The following TLR3 variants were observed in gnomAD, a reference collection of about 807,000 sequenced individuals.
The protein encoded by TLR3 is toll-like receptor 3.
In TLR3, 43 loss-of-function variants were observed where a neutral mutation model predicts 66.4. The observed-to-expected ratio is 0.65, with a 90% CI of 0.51 to 0.83. The LOEUF is 0.83. Ranked by LOEUF, TLR3 falls within the 40% of genes least tolerant of loss-of-function variation. The probability of loss-of-function intolerance (pLI) is 0.00; values close to 1 mark genes in which losing one functional copy is unlikely to be tolerated. For synonymous variants in TLR3, 397 were observed against 397.2 expected (o/e 1.00, Z 0.01); for missense variants, 982 against 1,044.6 (o/e 0.94, Z 0.83).
rs2099303785 is a variant in TLR3 at position 186,082,922 on chromosome 4, CA to C, written c.1238del (p.Asn413ThrfsTer2). 25 of 1,614,082 alleles carry C rather than the reference CA, an allele frequency of 1.5e-5. No homozygotes were observed. The highest frequency in any genetic ancestry group is 2.1e-5 in the Non-Finnish European group (25 of 1,180,044). ...TTGCTCATTCTCCCTTACACATACTCAACCTAACCAAGAATAAAATCTCAAA... is the reference window on the plus strand; with the variant it reads ...TTGCTCATTCTCCCTTACACATACTCACCTAACCAAGAATAAAATCTCAAA... ...SLAHSPLHIL[N>X]LTKNKISKIE... On this transcript the variant is annotated frameshift_variant, in exon 4 of 5. Coordinates refer to ENST00000296795, the MANE Select transcript of TLR3 (RefSeq NM_003265.3). LOFTEE classifies it high-confidence loss of function.
Position 186,076,655 on chromosome 4 carries a change from G to A in TLR3, c.36G>A (p.Gly12=). 2 of 1,614,086 alleles carry A rather than the reference G, an allele frequency of 1.2e-6. No homozygotes were observed. The highest frequency in any genetic ancestry group is 1.7e-6 in the Non-Finnish European group (2 of 1,180,018). The change falls in exon 2 of 5, where the codon GGG becomes GGA. Residue 12 remains glycine (G), a synonymous_variant. Coordinates refer to ENST00000296795, the MANE Select transcript of TLR3 (RefSeq NM_003265.3). ...CTTTGCCTTGTATCTACTTTTGGGG[G>A]GGCCTTTTGCCCTTTGGGATGCTGT... ...RQTLPCIYFW[G]GLLPFGMLCA...
chr4:186,081,929 G>T, intron 3 of TLR3: 1 of 239,062 alleles, frequency 4.2e-6, no homozygotes, highest in Non-Finnish European at 8.1e-6. Context: ...CGGAGATGGA[G>T]TAAAGAACTG....
rs760734845 is a variant in TLR3 at position 186,082,534 on chromosome 4, A to G, written c.848A>G (p.Tyr283Cys). The change falls in exon 4 of 5, where the codon TAC becomes TGC. Residue 283 changes from tyrosine to cysteine, a missense_variant. Physicochemically the swap from Tyr to Cys is radical, Grantham distance 194. This residue lies in a region of TLR3 where 313 missense variants were observed against 319.0 expected (regional missense o/e 0.98). Coordinates refer to ENST00000296795, the MANE Select transcript of TLR3 (RefSeq NM_003265.3). ...AATCTCACTATGCTCGATCTTTCCT[A>G]CAACAACTTAAATGTGGTTGGTAAC... Reference protein sequence around the residue: ...WTNLTMLDLSYNNLNVVGNDS... With the variant: ...WTNLTMLDLSCNNLNVVGNDS... 17 of 1,614,050 alleles carry G rather than the reference A, an allele frequency of 1.1e-5. No homozygotes were observed. The African/African-American group carries it at 2.0e-4, about 19-fold the overall frequency.
intron 3 of TLR3, chr4:186,082,118 G>A (rs1204039155): frequency 8.6e-6 from 5 of 580,822 alleles, no homozygotes; most frequent in African/African-American, 3.8e-5. Context: ...CCAGCTACTC[G>A]GGAGGCTGAG....
At chr4:186,078,173 A>G (rs2099302768) in intron 2 of TLR3, among the ~76,000 whole-genome samples, 1 of 152,176 alleles carries the variant, frequency 6.6e-6, no homozygotes, top group African/African-American at 2.4e-5. Flanking sequence ...GTTAACAGCG[A>G]TTACATTAGA....
chr4:186,076,760 T>A lies in TLR3; in HGVS notation c.141T>A (p.Asp47Glu), dbSNP rs780586678. The A allele has an allele frequency of 2.5e-6, 4 of 1,613,804 alleles. No individual in the cohort carries two copies. Among genetic ancestry groups the A allele is most frequent in the Non-Finnish European group, 3.4e-6 (4 of 1,179,918 alleles). ...CSHLKLTQVPDDLPTNITVLN... is the reference protein window; with the variant it reads ...CSHLKLTQVPEDLPTNITVLN... ...ACCTGAAGTTGACTCAGGTACCCGA[T>A]GATCTACCCACAAACATAACAGTGT... is the stretch of plus-strand genomic sequence containing the variant. Residue 47 changes from aspartate (D) to glutamate (E), a missense_variant, in exon 2 of 5, where the codon GAT becomes GAA. Asp to Glu is a conservative substitution (Grantham distance 45). This residue lies in a region of TLR3 where 313 missense variants were observed against 319.0 expected (regional missense o/e 0.98). Coordinates refer to ENST00000296795, the MANE Select transcript of TLR3 (RefSeq NM_003265.3).
chr4:186,072,688 C>G (rs559059301), intron 1 of TLR3, among the ~76,000 whole-genome samples: 1 of 152,334 alleles, frequency 6.6e-6, no homozygotes, highest in South Asian at 2.1e-4. Context: ...GGGGGTGGTG[C>G]TGAACCATCT....
At chr4:186,078,050 T>C (rs573628162) in intron 2 of TLR3, among the ~76,000 whole-genome samples, 1 of 152,198 alleles carries the variant, frequency 6.6e-6, no homozygotes, top group Non-Finnish European at 1.5e-5. Flanking sequence ...TGGGTCTTCT[T>C]AGAGTCTAAT....
chr4:186,082,487 T>C lies in TLR3; in HGVS notation c.801T>C (p.Thr267=). The C allele has an allele frequency of 1.2e-6, 2 of 1,614,128 alleles. No individual in the cohort carries two copies. The highest frequency in any genetic ancestry group is 1.7e-6 in the Non-Finnish European group (2 of 1,180,030). ...NSQLSTTSNT[T]FLGLKWTNLT... ...AGCTGTCCACCACCAGCAATACAACTTTCTTGGGACTAAAGTGGACAAATC... is the reference window on the plus strand; with the variant it reads ...AGCTGTCCACCACCAGCAATACAACCTTCTTGGGACTAAAGTGGACAAATC... Residue 267 remains threonine (T), a synonymous_variant, in exon 4 of 5, where the codon ACT becomes ACC. Coordinates refer to ENST00000296795, the MANE Select transcript of TLR3 (RefSeq NM_003265.3).
chr4:186,069,733 G>A (rs149468333), intron 1 of TLR3, among the ~76,000 whole-genome samples: 3 of 152,262 alleles, frequency 2.0e-5, no homozygotes, highest in Admixed American at 2.0e-4. Context: ...GGTATGCCTA[G>A]GAGTAAGTAA....
rs570788320 is a variant in TLR3, at chr4:186,080,927, G to T, written c.634-1393G>T. Among the ~76,000 whole-genome samples, 5 of 152,198 alleles carry T rather than the reference G, an allele frequency of 3.3e-5. No individual in the cohort carries two copies. In the South Asian group the frequency reaches 1.0e-3, roughly 32 times the overall value. ...TCTGATTTGTAATGTGTCACTTGGG[G>T]GACAGTAGGGCTAATGCAAAAAAAG... is the stretch of plus-strand genomic sequence containing the variant. On this transcript the variant is annotated intron_variant, in intron 3 of 4. Transcript: ENST00000296795.
chr4:186,083,428 T>C lies in TLR3; in HGVS notation c.1742T>C (p.Val581Ala), dbSNP rs2099303860. 1 of 1,613,084 alleles carries C rather than the reference T, an allele frequency of 6.2e-7. No individual in the cohort carries two copies. The highest frequency in any genetic ancestry group is 1.1e-5 in the South Asian group (1 of 90,982). ...GGCTTTGACGAGATCCCAGTTGAGG[T>C]CTTCAAGGATTTATTTGAACTAAAG... ...SNGFDEIPVE[V>A]FKDLFELKII... Residue 581 changes from valine (V) to alanine (A), a missense_variant, in exon 4 of 5, where the codon GTC (valine) becomes GCC (alanine). Physicochemically the swap from Val to Ala is moderately conservative, Grantham distance 64 (BLOSUM62 0). This residue lies in a region of TLR3 where 666 missense variants were observed against 709.0 expected (regional missense o/e 0.94). Transcript: ENST00000296795. The surrounding 1 kb of genome is among the most constrained non-coding windows in gnomAD (Gnocchi z 4.0).
In TLR3 at chr4:186,082,661, G is replaced by A. The variant is rs574415152; in HGVS notation, c.975G>A (p.Arg325=). The A allele has an allele frequency of 7.4e-5, 120 of 1,613,804 alleles. 3 individuals carry two copies. The Middle Eastern group carries it at 5.6e-3, about 75-fold the overall frequency. Residue 325 remains arginine (R), a synonymous_variant, in exon 4 of 5, where the codon AGG becomes AGA. Coordinates refer to ENST00000296795, the MANE Select transcript of TLR3 (RefSeq NM_003265.3). ...SHSLHGLFNV[R]YLNLKRSFTK... ...CTTTGCACGGGCTTTTCAATGTGAG[G>A]TACCTGAATTTGAAACGGTCTTTTA... is the stretch of plus-strand genomic sequence containing the variant.
chr4:186,080,758 AT>A (rs1364316079), intron 3 of TLR3, among the ~76,000 whole-genome samples: 1 of 151,856 alleles, frequency 6.6e-6, no homozygotes, highest in Non-Finnish European at 1.5e-5. Flanking sequence ...CCCCTGGCTA[AT>A]TTTTGGATTT....
chr4:186,085,478 T>A lies in TLR3; in HGVS notation c.*605T>A, dbSNP rs1261974582. The A allele has an allele frequency of 6.5e-6, 1 of 152,690 alleles. No homozygotes were observed. The highest frequency in any genetic ancestry group is 1.9e-4 in the East Asian group (1 of 5,212). 9.5% of individuals were successfully genotyped at this position (152,690 alleles called of 1,614,324 possible). On this transcript the variant is annotated 3_prime_UTR_variant, in exon 5 of 5. Transcript: ENST00000296795. ...TTAGTTAATGAGATGATTATTTGAA[T>A]GAATATTGACTTGTATTTTCCTGAG...
intron 2 of TLR3, among the ~76,000 whole-genome samples, chr4:186,078,294 C>T (rs1561370651): frequency 6.6e-6 from 1 of 152,052 alleles, no homozygotes; most frequent in Non-Finnish European, 1.5e-5. Flanking sequence ...ATAAAGCAAA[C>T]AAAACTTAAT....
chr4:186,079,221 G>A (rs5743314), intron 3 of TLR3, among the ~76,000 whole-genome samples, 190 bp downstream of exon 3: 1 of 151,866 alleles, frequency 6.6e-6, no homozygotes, highest in Admixed American at 6.6e-5. Context: ...GTCGGGAGAC[G>A]GGACTCTGCC....
In TLR3 at chr4:186,083,705, C is replaced by T. The variant is rs1243009838; in HGVS notation, c.2019C>T (p.Ser673=). The part of the protein sequence containing the change: ...ETHTNIPELS[S]HYLCNTPPHY... ...ATACCAACATCCCTGAGCTGTCAAG[C>T]CACTACCTTTGCAACACTCCACCTC... The change falls in exon 4 of 5, where the codon AGC becomes AGT. Residue 673 remains serine, a synonymous_variant. Coordinates refer to ENST00000296795, the MANE Select transcript of TLR3 (RefSeq NM_003265.3). The surrounding 1 kb of genome is among the most constrained non-coding windows in gnomAD (Gnocchi z 4.0). 1.2e-6 allele frequency: 2 copies of T among 1,605,320 alleles called. No homozygotes were observed. The highest frequency in any genetic ancestry group is 1.7e-5 in the Admixed American group (1 of 59,386).
rs1390601885 is a variant in TLR3, at chr4:186,077,490, T to C, written c.441+430T>C. On this transcript the variant is annotated intron_variant, in intron 2 of 4. Coordinates refer to ENST00000296795, the MANE Select transcript of TLR3 (RefSeq NM_003265.3). ...TGTTCAACTAAAAATTACCTACTCCTGGTTTCAGAAATCTCCTCAGTGGCT... is the reference window on the plus strand; with the variant it reads ...TGTTCAACTAAAAATTACCTACTCCCGGTTTCAGAAATCTCCTCAGTGGCT... Among the ~76,000 whole-genome samples, 5 of 152,226 alleles carry C rather than the reference T, an allele frequency of 3.3e-5. No homozygotes were observed. In the South Asian group the frequency reaches 8.3e-4, roughly 25 times the overall value.
Sources: gnomAD v4.1 joint callset for allele counts (sites outside exome capture counted in the v4.1 genomes callset) on GRCh38, gnomAD v4.1.1 for gene constraint, gnomAD v4.1.1 regional missense constraint, Gnocchi (gnomAD v3.1) non-coding constraint, MANE v1.5 for transcripts, NCBI Gene and HGNC (gene_info 2026-07-23, HGNC 2026-07-21) for gene names.